Variants in MARCHF4 observed in about 807,000 individuals in gnomAD.
The protein encoded by MARCHF4 is E3 ubiquitin-protein ligase MARCHF4.
In MARCHF4, 14 loss-of-function variants were observed where a neutral mutation model predicts 43.9. The observed-to-expected ratio is 0.32, with a 90% CI of 0.21 to 0.50. The LOEUF (loss-of-function observed/expected upper bound fraction) is 0.50. Among genes scored for constraint, MARCHF4 ranks in the 20% least tolerant of loss-of-function variants. MARCHF4 has a pLI of 0.98. For synonymous variants in MARCHF4, 226 were observed against 213.3 expected (o/e 1.06, Z -0.52); for missense variants, 468 against 536.7 (o/e 0.87, Z 1.27).
chr2:216,289,880 G>A (rs206368), intron 1 of MARCHF4, among the ~76,000 whole-genome samples: 69,960 of 152,096 alleles, frequency 0.46, 16,159 homozygotes, highest in East Asian at 0.55. Context: ...TAATATGGTG[G>A]TGAAAAGCTT....
rs1691051311 is a variant in MARCHF4, at chr2:216,277,778, A to G, written c.759T>C (p.Ser253=). 1 of 1,614,242 alleles carries G rather than the reference A, an allele frequency of 6.2e-7. No homozygotes were observed. Among genetic ancestry groups the G allele is most frequent in the South Asian group, 1.1e-5 (1 of 91,084 alleles). The change falls in exon 3 of 4, where the codon TCT becomes TCC. Residue 253 remains serine (S), a synonymous_variant. Coordinates refer to ENST00000273067, the MANE Select transcript of MARCHF4 (RefSeq NM_020814.3). ...GGCTGAAAGTTGACCAGATGAGCCAAGAAATACTGGCGATGAGGAAGAGGG... is the reference window on the plus strand; with the variant it reads ...GGCTGAAAGTTGACCAGATGAGCCAGGAAATACTGGCGATGAGGAAGAGGG... ...LGSLFLIASI[S]WLIWSTFSPS...
chr2:216,351,155 T>C (rs991826281), intron 1 of MARCHF4, among the ~76,000 whole-genome samples: 1 of 152,222 alleles, frequency 6.6e-6, no homozygotes, highest in African/African-American at 2.4e-5. Flanking sequence ...ACTGTAATTG[T>C]TTATTCAGAG....
At chr2:216,368,160 A>C (rs1380693892) in intron 1 of MARCHF4, among the ~76,000 whole-genome samples, 2 of 152,216 alleles carry the variant, frequency 1.3e-5, no homozygotes, top group Non-Finnish European at 2.9e-5. Context: ...AGAAAAAAGA[A>C]ATGCCTTAGG....
chr2:216,273,350 G>A (rs988191194), intron 3 of MARCHF4, among the ~76,000 whole-genome samples: 1 of 152,174 alleles, frequency 6.6e-6, no homozygotes, highest in Non-Finnish European at 1.5e-5. Context: ...GAGACTCATC[G>A]CAGCAGATGG....
intron 1 of MARCHF4, among the ~76,000 whole-genome samples, chr2:216,288,481 C>T (rs1422726899): frequency 1.3e-5 from 2 of 152,138 alleles, no homozygotes; most frequent in Non-Finnish European, 2.9e-5. Flanking sequence ...TCAGTTGAGT[C>T]ACCAAGAGCA....
At chr2:216,274,524 GA>G (rs1690991582) in intron 3 of MARCHF4, among the ~76,000 whole-genome samples, 1 of 149,194 alleles carries the variant, frequency 6.7e-6, no homozygotes, top group African/African-American at 2.5e-5. Flanking sequence ...ATACTGCACA[GA>G]AGGAGAAGTT....
At chr2:216,338,764 A>G (rs1239656690) in intron 1 of MARCHF4, among the ~76,000 whole-genome samples, 2 of 152,236 alleles carry the variant, frequency 1.3e-5, no homozygotes, top group Middle Eastern at 3.4e-3. Context: ...CTGAACTAGG[A>G]TACTCATGGC....
intron 1 of MARCHF4, among the ~76,000 whole-genome samples, chr2:216,333,372 G>A (rs753367642): frequency 1.3e-5 from 2 of 152,196 alleles, no homozygotes; most frequent in Non-Finnish European, 2.9e-5. Context: ...GCCAAAGGGC[G>A]AATAAATTTA....
chr2:216,290,139 T>A (rs545584042), intron 1 of MARCHF4, among the ~76,000 whole-genome samples: 1 of 152,290 alleles, frequency 6.6e-6, no homozygotes, highest in African/African-American at 2.4e-5. Flanking sequence ...GAGACTGTTA[T>A]GTGCTATGGA....
Position 216,369,768 on chromosome 2 carries a change from T to C in MARCHF4, c.493A>G (p.Ile165Val), listed in dbSNP as rs774409844. The C allele has an allele frequency of 1.3e-6, 2 of 1,598,232 alleles. No homozygotes were observed. The highest frequency in any genetic ancestry group is 8.6e-7 in the Non-Finnish European group (1 of 1,169,130). ...DSGMRTPLCR[I>V]CFQGPEQGEL... is the part of the protein sequence containing the mutation. Reference sequence around the variant, plus strand: ...ACCTGTTCTGGCCCCTGGAAGCAGATGCGGCAGAGTGGGGTCCTCATACCA... The same window carrying C: ...ACCTGTTCTGGCCCCTGGAAGCAGACGCGGCAGAGTGGGGTCCTCATACCA... Residue 165 changes from isoleucine (I) to valine (V), a missense_variant, in exon 1 of 4, where the codon ATC (isoleucine) becomes GTC (valine). Physicochemically the swap from Ile to Val is conservative, Grantham distance 29. Coordinates refer to ENST00000273067, the MANE Select transcript of MARCHF4 (RefSeq NM_020814.3).
At chr2:216,310,912 C>T (rs1169621851) in intron 1 of MARCHF4, among the ~76,000 whole-genome samples, 5 of 152,152 alleles carry the variant, frequency 3.3e-5, no homozygotes, top group Admixed American at 3.3e-4. Context: ...TAGACTAGGA[C>T]CACATTAACA....
intron 3 of MARCHF4, among the ~76,000 whole-genome samples, chr2:216,275,724 G>A (rs1691008679): frequency 6.6e-6 from 1 of 152,148 alleles, no homozygotes; most frequent in East Asian, 1.9e-4. Context: ...CTCCCTCCAG[G>A]GAAGGAACTT....
chr2:216,303,597 T>C (rs1443115546), intron 1 of MARCHF4: 2 of 152,208 alleles, frequency 1.3e-5, no homozygotes, highest in Non-Finnish European at 1.5e-5. Context: ...GAGAGCGCAA[T>C]GCCCAAAGTG....
intron 3 of MARCHF4, among the ~76,000 whole-genome samples, chr2:216,264,209 A>C (rs1016490324): frequency 1.3e-5 from 2 of 152,188 alleles, no homozygotes; most frequent in African/African-American, 4.8e-5. Context: ...AGGTAGTCTC[A>C]GGGGTTTCTA....
At chr2:216,311,611 A>G (rs1315363458) in intron 1 of MARCHF4, among the ~76,000 whole-genome samples, 1 of 152,214 alleles carries the variant, frequency 6.6e-6, no homozygotes. Context: ...TTTTGCTTTA[A>G]TAGACAACCA....
intron 1 of MARCHF4, among the ~76,000 whole-genome samples, chr2:216,296,090 G>A (rs1356211672): frequency 6.6e-6 from 1 of 152,216 alleles, no homozygotes; most frequent in East Asian, 1.9e-4. Flanking sequence ...AGGTTGCAGT[G>A]AGCCAAGATC....
At chr2:216,369,670 G>A (rs1437077908) in intron 1 of MARCHF4, 75 bp downstream of exon 1, 19 of 1,233,764 alleles carry the variant, frequency 1.5e-5, no homozygotes, top group Non-Finnish European at 1.8e-5. Flanking sequence ...CCGTTCCCCA[G>A]GGCAAGCAGG....
Position 216,297,743 on chromosome 2 carries a change from C to T in MARCHF4, c.517-14014G>A, listed in dbSNP as rs574288490. Reference sequence around the variant, plus strand: ...GTTGGTCAGGCTGATCTCGAACTCCCCACCTCAGGTGATCCACTCGGCTCG... The same window carrying T: ...GTTGGTCAGGCTGATCTCGAACTCCTCACCTCAGGTGATCCACTCGGCTCG... On this transcript the variant is annotated intron_variant, in intron 1 of 3. Coordinates refer to ENST00000273067, the MANE Select transcript of MARCHF4 (RefSeq NM_020814.3). Among the ~76,000 whole-genome samples the T allele has an allele frequency of 1.4e-3, 210 of 152,174 alleles. 1 individual carries two copies. The highest frequency in any genetic ancestry group is 2.3e-3 in the Non-Finnish European group (159 of 68,002).
At chr2:216,320,675 C>CTTTCTTT (rs747734983) in intron 1 of MARCHF4, among the ~76,000 whole-genome samples, 18 of 33,104 alleles carry the variant, frequency 5.4e-4, no homozygotes, top group Middle Eastern at 0.01. Flanking sequence ...TTCTTTCTTT[C>CTTTCTTT]TTTTTTTTTT....
Sources: allele counts gnomAD v4.1 joint callset (sites outside exome capture counted in the v4.1 genomes callset), GRCh38; gene constraint gnomAD v4.1.1; transcripts MANE v1.5; gene names NCBI Gene and HGNC (gene_info 2026-07-23, HGNC 2026-07-21).